CUX1: variants seen among roughly 807,000 people sequenced by gnomAD.
The protein encoded by CUX1 is cut like homeobox 1.
A neutral mutation model predicts 158.8 loss-of-function variants in CUX1; 31 were observed. The observed-to-expected ratio is 0.20, with a 90% confidence interval of 0.15 to 0.26. CUX1 has a LOEUF of 0.26. Ranked by LOEUF, CUX1 falls within the 10% of genes least tolerant of loss-of-function variation. CUX1 has a pLI of 1.00. For missense variants in CUX1, 1,589 were observed against 2,014.6 expected, an observed-to-expected ratio of 0.79 and a Z score of 4.04; for synonymous variants, 879 against 862.1, an observed-to-expected ratio of 1.02 and a Z score of -0.34.
At chr7:102,135,373 C>A (rs184400361) in intron 8 of CUX1, among the ~76,000 whole-genome samples, 19 of 152,142 alleles carry the variant, frequency 1.2e-4, no homozygotes, top group Non-Finnish European at 2.2e-4. Context: ...AGGTCTTCAT[C>A]CCTGTTGTCT....
intron 8 of CUX1, among the ~76,000 whole-genome samples, chr7:102,145,682 C>T (rs1409071791): frequency 6.6e-6 from 1 of 152,136 alleles, no homozygotes; most frequent in African/African-American, 2.4e-5. Context: ...CGCGGTGGCT[C>T]ACGCCTGTAA....
intron 8 of CUX1, among the ~76,000 whole-genome samples, chr7:102,155,132 AAC>A (rs1467805104): frequency 1.3e-5 from 2 of 152,156 alleles, no homozygotes; most frequent in African/African-American, 4.8e-5. Context: ...AGGGGTCTGA[AAC>A]ACTAGTGGAG....
intron 6 of CUX1, among the ~76,000 whole-genome samples, chr7:102,107,267 A>G (rs1459142560): frequency 6.6e-6 from 1 of 152,014 alleles, no homozygotes; most frequent in Non-Finnish European, 1.5e-5. Context: ...GGCTGGGCGC[A>G]GTGGCTCACA....
intron 8 of CUX1, among the ~76,000 whole-genome samples, chr7:102,134,430 G>A (rs1474817330): frequency 6.6e-6 from 1 of 152,138 alleles, no homozygotes; most frequent in Non-Finnish European, 1.5e-5. Flanking sequence ...GTCCAATAAT[G>A]GCCTTGTGGA....
intron 2 of CUX1, among the ~76,000 whole-genome samples, chr7:102,008,664 G>C (rs560555772): frequency 6.6e-6 from 1 of 151,814 alleles, no homozygotes; most frequent in African/African-American, 2.4e-5. Flanking sequence ...GCTCTGCTGG[G>C]GGCCCACATG....
At chr7:102,195,835 G>A (rs944463258) in intron 14 of CUX1, among the ~76,000 whole-genome samples, 1 of 152,178 alleles carries the variant, frequency 6.6e-6, no homozygotes, top group South Asian at 2.1e-4. Context: ...CAGGCTCTGC[G>A]GAGGTCAGTT....
intron 1 of CUX1, among the ~76,000 whole-genome samples, chr7:101,914,220 AGAAATACTAAG>A (rs760109309): frequency 3.3e-5 from 5 of 152,216 alleles, no homozygotes; most frequent in Non-Finnish European, 5.9e-5. Flanking sequence ...CCTGAATGCC[AGAAATACTAAG>A]GGGAGAAGAG....
intron 3 of CUX1, among the ~76,000 whole-genome samples, chr7:102,037,988 G>A (rs1284628220): frequency 6.6e-6 from 1 of 151,372 alleles, no homozygotes; most frequent in Non-Finnish European, 1.5e-5. Flanking sequence ...CTGGGAGGTG[G>A]AGGCTGCAGT....
intron 13 of CUX1, chr7:102,194,195 A>G: frequency 2.7e-6 from 1 of 374,212 alleles, no homozygotes; most frequent in East Asian, 4.3e-5. Flanking sequence ...TATCTTTAAC[A>G]AAAAGAGGCA....
At chr7:102,111,353 C>T (rs1473355169) in intron 6 of CUX1, among the ~76,000 whole-genome samples, 2 of 152,088 alleles carry the variant, frequency 1.3e-5, no homozygotes, top group East Asian at 3.9e-4. Flanking sequence ...ATTCTTCTTG[C>T]GCTAACTTCA....
rs1554494259 is a variant in CUX1, at chr7:102,123,733, G to A, written c.674+8460G>A. 3.3e-4 allele frequency among the ~76,000 whole-genome samples: 50 copies of A among 151,822 alleles called. 1 individual carries two copies. ...GCTAGAGTACAGTGATGCGATCTTG[G>A]CTCACTACAACTTCTACCTCCCGGT... On this transcript the variant is annotated intron_variant, in intron 8 of 23. Transcript: ENST00000292535.
At chr7:101,827,244 CCTTCTCTTCTCTTCTCTTCTCTTCT>C (rs538996031) in intron 1 of CUX1, among the ~76,000 whole-genome samples, 41 of 129,790 alleles carry the variant, frequency 3.2e-4, no homozygotes, top group African/African-American at 6.5e-4. Flanking sequence ...CCCCTCCCCT[CCTTCTCTTCTCTTCTCTTCTCTTCT>C]CTTCTCTTCT....
At chr7:101,836,684 C>CAAAAAAAA (rs71755816) in intron 1 of CUX1, among the ~76,000 whole-genome samples, 2 of 77,806 alleles carry the variant, frequency 2.6e-5, no homozygotes, top group Admixed American at 1.6e-4. Flanking sequence ...GACTCCTTCT[C>CAAAAAAAA]AAAAAAAAAA....
Position 102,234,209 on chromosome 7 carries a change from G to C in CUX1, c.3591G>C (p.Lys1197Asn), listed in dbSNP as rs782692448. Residue 1197 changes from lysine (K) to asparagine (N), a missense_variant, in exon 22 of 24, where the codon AAG becomes AAC. Physicochemically the swap from Lys to Asn is moderately conservative, Grantham distance 94. Coordinates refer to ENST00000292535, the MANE Select transcript of CUX1 (RefSeq NM_181552.4). Reference protein sequence around the residue: ...LWLNDPNNVEKLMDMKRMEKK... With the variant: ...LWLNDPNNVENLMDMKRMEKK... ...TGAACGACCCCAACAATGTGGAGAA[G>C]CTGATGGACATGAAACGGATGGAGA... is the stretch of plus-strand genomic sequence containing the variant. 6.3e-7 allele frequency: 1 copy of C among 1,580,510 alleles called. No homozygotes were observed. Among genetic ancestry groups the C allele is most frequent in the Non-Finnish European group, 8.6e-7 (1 of 1,165,304 alleles).
chr7:101,911,770 AG>A (rs1415629868), intron 1 of CUX1, among the ~76,000 whole-genome samples: 2 of 152,190 alleles, frequency 1.3e-5, no homozygotes, highest in African/African-American at 2.4e-5. Context: ...GACTTGAGAG[AG>A]GAATAGTTGC....
chr7:102,102,290 G>A (rs1178802647), intron 5 of CUX1, among the ~76,000 whole-genome samples: 1 of 151,858 alleles, frequency 6.6e-6, no homozygotes, highest in Non-Finnish European at 1.5e-5. Context: ...AGCCAGGTGT[G>A]GTGCGCGCCT....
chr7:102,125,438 T>C (rs1554494879), intron 8 of CUX1: 5 of 152,160 alleles, frequency 3.3e-5, no homozygotes. Flanking sequence ...AGCTATGAGG[T>C]TCTGACTCAC....
At chr7:101,995,616 G>A (rs991758582) in intron 2 of CUX1, among the ~76,000 whole-genome samples, 1 of 152,192 alleles carries the variant, frequency 6.6e-6, no homozygotes, top group Non-Finnish European at 1.5e-5. Flanking sequence ...ATTATAAAAT[G>A]TCTTTTAGAC....
intron 9 of CUX1, among the ~76,000 whole-genome samples, chr7:102,168,843 C>T (rs529640444): frequency 6.6e-6 from 1 of 151,854 alleles, no homozygotes; most frequent in East Asian, 1.9e-4. Context: ...GCTGCCATGC[C>T]ACAAAATAAA....
Sources: gnomAD v4.1 joint callset for allele counts (sites outside exome capture counted in the v4.1 genomes callset) on GRCh38, gnomAD v4.1.1 for gene constraint, MANE v1.5 for transcripts, NCBI Gene and HGNC (gene_info 2026-07-23, HGNC 2026-07-21) for gene names.